Variants in CEP152 observed in about 807,000 individuals in gnomAD.
CEP152 encodes the protein centrosomal protein 152, also known as centrosomal protein of 152 kDa.
In CEP152, 132 loss-of-function variants were observed where a neutral mutation model predicts 188.9. That is an observed-to-expected ratio of 0.70 (90% CI 0.61 to 0.81). The LOEUF is 0.81. Ranked by LOEUF, CEP152 falls within the 30% of genes least tolerant of loss-of-function variation. CEP152 has a pLI of 0.00. For synonymous variants in CEP152, 649 were observed against 666.6 expected (o/e 0.97, Z 0.41); for missense variants, 1,914 against 1,969.8 (o/e 0.97, Z 0.54).
intron 9 of CEP152, among the ~76,000 whole-genome samples, 155 bp downstream of exon 9, chr15:48,788,646 A>G (rs1896818079): frequency 6.6e-6 from 1 of 152,100 alleles, no homozygotes; most frequent in Non-Finnish European, 1.5e-5. Flanking sequence ...CGTCCAGCCA[A>G]TATCACTGGC....
At chr15:48,741,255 A>C (rs1892953750) in intron 26 of CEP152, 1 of 1,134,546 alleles carries the variant, frequency 8.8e-7, no homozygotes, top group South Asian at 2.0e-5. Context: ...TCAGCCTCCC[A>C]AAGTGCTGGG....
At chr15:48,792,017 G>A (rs1595687107) in intron 7 of CEP152, among the ~76,000 whole-genome samples, 1 of 151,594 alleles carries the variant, frequency 6.6e-6, no homozygotes, top group Admixed American at 6.6e-5. Flanking sequence ...TTTTTGAAAC[G>A]GAGTTTCGCT....
At chr15:48,739,936 T>C (rs1892835694) in intron 26 of CEP152, among the ~76,000 whole-genome samples, 1 of 152,168 alleles carries the variant, frequency 6.6e-6, no homozygotes, top group South Asian at 2.1e-4. Flanking sequence ...ATACCTAAGG[T>C]TCACATCACC....
intron 10 of CEP152, 118 bp from the exon 11 acceptor site, chr15:48,782,348 C>T (rs371450787): frequency 1.2e-6 from 1 of 830,730 alleles, no homozygotes; most frequent in South Asian, 1.4e-5. Flanking sequence ...TTTACTACTA[C>T]TGTCTCTTTA....
chr15:48,754,874 G>C (rs1028498733), intron 20 of CEP152, among the ~76,000 whole-genome samples: 1 of 152,108 alleles, frequency 6.6e-6, no homozygotes, highest in Non-Finnish European at 1.5e-5. Flanking sequence ...GAAACTCAAG[G>C]TTATTTTTTC....
chr15:48,805,900 G>A (rs1360533485), intron 1 of CEP152, among the ~76,000 whole-genome samples: 2 of 152,118 alleles, frequency 1.3e-5, no homozygotes, highest in Non-Finnish European at 2.9e-5. Context: ...CTTTCTAGTG[G>A]TCTGAAGAGT....
chr15:48,746,792 T>C (rs1893465176), intron 22 of CEP152, among the ~76,000 whole-genome samples: 1 of 152,114 alleles, frequency 6.6e-6, no homozygotes, highest in East Asian at 1.9e-4. Flanking sequence ...GTGAATGTTA[T>C]AAAAAGCATA....
In CEP152 at chr15:48,777,466, TTGTG is replaced by T. The variant is rs35650877; in HGVS notation, c.1577+3726_1577+3729del. 8.1e-3 allele frequency among the ~76,000 whole-genome samples: 1,197 copies of T among 147,044 alleles called. 9 individuals are homozygous for T. Among genetic ancestry groups the T allele is most frequent in the African/African-American group, 0.017 (699 of 40,262 alleles). The stretch of plus-strand genomic sequence containing the variant: ...TGATTCCAAATAAAATCTTAGAATA[TTGTG>T]TGTGTGTGTGTGTGTGTGTGTGTGT... On this transcript the variant is annotated intron_variant, in intron 12 of 26. Coordinates refer to ENST00000380950, the MANE Select transcript of CEP152 (RefSeq NM_001194998.2).
chr15:48,738,447 C>T lies in CEP152; in HGVS notation c.4935G>A (p.Thr1645=), dbSNP rs920546535. ...CACTGATCTTTCCTGGCTCCAAATA[C>T]GTGGTTTCTTCTGACAGGTATGGAG... The part of the protein sequence containing the change: ...YQTPYLSEET[T]YLEPGKISVN... Residue 1645 remains threonine, a synonymous_variant, in exon 27 of 27, where the codon ACG becomes ACA. Coordinates refer to ENST00000380950, the MANE Select transcript of CEP152 (RefSeq NM_001194998.2). 39 of 1,614,064 alleles carry T rather than the reference C, an allele frequency of 2.4e-5. No individual in the cohort carries two copies. Among genetic ancestry groups the T allele is most frequent in the Non-Finnish European group, 3.1e-5 (36 of 1,180,026 alleles).
intron 22 of CEP152, among the ~76,000 whole-genome samples, chr15:48,747,429 G>A (rs1893528425): frequency 6.6e-6 from 1 of 152,106 alleles, no homozygotes; most frequent in Non-Finnish European, 1.5e-5. Flanking sequence ...GGAGAATTTG[G>A]AGAAGGTATC....
At chr15:48,768,926 T>C in intron 14 of CEP152, 30 bp downstream of exon 14, 1 of 1,399,818 alleles carries the variant, frequency 7.1e-7, no homozygotes, top group Non-Finnish European at 9.8e-7. Context: ...ATAAAAATTC[T>C]CATAAAATAT....
At chr15:48,747,776 C>T (rs1421725239) in intron 22 of CEP152, among the ~76,000 whole-genome samples, 2 of 152,092 alleles carry the variant, frequency 1.3e-5, no homozygotes, top group Non-Finnish European at 2.9e-5. Flanking sequence ...GAGGGAGCAG[C>T]GATCTAAGCC....
chr15:48,754,561 G>A lies in CEP152; in HGVS notation c.3345+1342C>T, dbSNP rs114093858. Among the ~76,000 whole-genome samples the A allele has an allele frequency of 1.1e-3, 168 of 152,146 alleles. 1 individual carries two copies. Among genetic ancestry groups the A allele is most frequent in the African/African-American group, 3.9e-3 (162 of 41,498 alleles). ...CAATTAAGTGTGAAGCAGTATTCAT[G>A]GGAAGTGATCTTGCCCAGTAAATTT... On this transcript the variant is annotated intron_variant, in intron 20 of 26. Transcript: ENST00000380950.
intron 20 of CEP152, among the ~76,000 whole-genome samples, chr15:48,753,178 G>A (rs1040320347): frequency 5.9e-5 from 9 of 151,840 alleles, no homozygotes; most frequent in Non-Finnish European, 8.8e-5. Context: ...CTCCTCTATC[G>A]GCCAGGCTGA....
chr15:48,732,526 A>C (rs995678720), intron 2 of CEP152, among the ~76,000 whole-genome samples: 1 of 152,048 alleles, frequency 6.6e-6, no homozygotes, highest in African/African-American at 2.4e-5. Flanking sequence ...AGAGGGGAAC[A>C]ACACACACCA....
intron 1 of CEP152, 49 bp from the exon 2 acceptor site, chr15:48,805,705 C>T (rs1897945332): frequency 2.5e-6 from 4 of 1,610,928 alleles, no homozygotes; most frequent in African/African-American, 1.3e-5. Context: ...ATAAAATCTC[C>T]CCAGGACAAA....
At chr15:48,774,724 C>A (rs896512143) in intron 12 of CEP152, among the ~76,000 whole-genome samples, 1 of 152,142 alleles carries the variant, frequency 6.6e-6, no homozygotes, top group Non-Finnish European at 1.5e-5. Flanking sequence ...AACACTCATA[C>A]AAATTCACAA....
chr15:48,807,512 G>C (rs983328019), intron 1 of CEP152, among the ~76,000 whole-genome samples: 3 of 149,038 alleles, frequency 2.0e-5, no homozygotes, highest in African/African-American at 7.5e-5. Context: ...CCGAGATTGC[G>C]CCACTGCAGT....
intron 2 of CEP152, among the ~76,000 whole-genome samples, chr15:48,731,735 CAG>C (rs1249393125): frequency 2.6e-5 from 4 of 152,178 alleles, no homozygotes; most frequent in African/African-American, 9.7e-5. Flanking sequence ...AAACTATCAT[CAG>C]AGTGAACAGG....
Sources: gnomAD v4.1 joint callset for allele counts (sites outside exome capture counted in the v4.1 genomes callset) on GRCh38, gnomAD v4.1.1 for gene constraint, MANE v1.5 for transcripts, NCBI Gene and HGNC (gene_info 2026-07-23, HGNC 2026-07-21) for gene names.